ZNF438: variants seen among roughly 807,000 people sequenced by gnomAD.
The protein encoded by ZNF438 is zinc finger protein 438.
In ZNF438, 25 loss-of-function variants were observed where a neutral mutation model predicts 38.0. The observed-to-expected ratio is 0.66, with a 90% CI of 0.48 to 0.92. The LOEUF is 0.92. ZNF438 is among the 40% of genes least tolerant of loss of function. The pLI, the probability that ZNF438 is intolerant of heterozygous loss-of-function variation, is 0.00. For missense variants in ZNF438, 1,007 were observed against 999.6 expected (o/e 1.01, Z -0.10); for synonymous variants, 372 against 364.1 (o/e 1.02, Z -0.25).
In ZNF438 at chr10:30,901,440, G is replaced by A. The variant is rs60091865; in HGVS notation, c.-32+7493C>T. 6.2e-3 allele frequency among the ~76,000 whole-genome samples: 944 copies of A among 151,738 alleles called. 12 individuals are homozygous for A. The highest frequency in any genetic ancestry group is 0.022 in the African/African-American group (911 of 41,326). ...CGGAGTTTGTTCCTTCTGATGTTCC[G>A]CTGAGTCGGGGGTTGTTAGCTAGCC... On this transcript the variant is annotated intron_variant, in intron 3 of 5. Coordinates refer to ENST00000413025, the Ensembl canonical transcript of ZNF438.
At chr10:30,855,356 G>A (rs1377308224) in intron 4 of ZNF438, among the ~76,000 whole-genome samples, 1 of 152,206 alleles carries the variant, frequency 6.6e-6, no homozygotes, top group Non-Finnish European at 1.5e-5. Context: ...AGAAGTGGAT[G>A]CTGGGGTTGA....
intron 1 of ZNF438, among the ~76,000 whole-genome samples, chr10:30,945,393 T>C (rs1439305692): frequency 6.6e-6 from 1 of 151,644 alleles, no homozygotes; most frequent in Non-Finnish European, 1.5e-5. Flanking sequence ...TTTTACTTTT[T>C]TTTTTTTTAT....
chr10:30,845,637 T>C, intron 5 of ZNF438, 64 bp from the exon 7 acceptor site: 1 of 1,536,684 alleles, frequency 6.5e-7, no homozygotes, highest in Non-Finnish European at 8.7e-7. Flanking sequence ...ATCTTTCCTC[T>C]CAGCTGTCAG....
intron 1 of ZNF438, among the ~76,000 whole-genome samples, chr10:31,024,648 A>G (rs1044725262): frequency 9.9e-5 from 15 of 151,952 alleles, no homozygotes; most frequent in African/African-American, 3.4e-4. Flanking sequence ...AAAGATTCCT[A>G]GGTATAAAGT....
chr10:30,932,769 T>A (rs920739661), intron 2 of ZNF438, among the ~76,000 whole-genome samples: 3 of 152,184 alleles, frequency 2.0e-5, no homozygotes, highest in African/African-American at 7.2e-5. Flanking sequence ...GCAGATATAA[T>A]CAGGTTAAAA....
intron 4 of ZNF438, chr10:30,875,308 C>T (rs925924045): frequency 1.0e-5 from 10 of 985,296 alleles, no homozygotes; most frequent in Non-Finnish European, 1.2e-5. Context: ...CAGCTTGTTG[C>T]TTAGTTACTC....
chr10:31,020,382 G>A (rs529342930), intron 1 of ZNF438, among the ~76,000 whole-genome samples: 10 of 152,254 alleles, frequency 6.6e-5, no homozygotes, highest in South Asian at 2.1e-4. Context: ...CAGGAGAGGC[G>A]GCAATTACAA....
chr10:30,845,351 G>A (rs542557512), exon 6 of ZNF438: 24 of 1,614,112 alleles, frequency 1.5e-5, no homozygotes, highest in South Asian at 5.5e-5. Flanking sequence ...TTTTCCAGTC[G>A]GGGCTAGCGT....
At chr10:30,889,132 A>G (rs1170153338) in intron 3 of ZNF438, among the ~76,000 whole-genome samples, 5 of 152,194 alleles carry the variant, frequency 3.3e-5, no homozygotes, top group East Asian at 3.8e-4. Flanking sequence ...CTCAATTGTA[A>G]TAACAGTATT....
At chr10:30,943,405 G>C (rs377055821) in intron 1 of ZNF438, among the ~76,000 whole-genome samples, 1 of 152,078 alleles carries the variant, frequency 6.6e-6, no homozygotes, top group South Asian at 2.1e-4. Context: ...AAGAGATGAA[G>C]AGAAAGCATA....
At chr10:30,861,123 A>G (rs1048105124) in intron 4 of ZNF438, among the ~76,000 whole-genome samples, 1 of 152,228 alleles carries the variant, frequency 6.6e-6, no homozygotes, top group South Asian at 2.1e-4. Flanking sequence ...CAGGACAATG[A>G]CCTCCTTTAG....
rs533343039 is a variant in ZNF438, at chr10:30,967,437, T to C, written c.-191-25786A>G. On this transcript the variant is annotated intron_variant, in intron 1 of 5. Transcript: ENST00000413025. ...ACTGATAAGTAGGCTAAAAGTAAGA[T>C]GGTAGGGCCAAAATTTATCCTTTTA... 2.6e-4 allele frequency among the ~76,000 whole-genome samples: 39 copies of C among 152,306 alleles called. No individual in the cohort carries two copies. In the South Asian group the frequency reaches 7.7e-3, roughly 30 times the overall value.
chr10:30,930,888 C>G (rs956126391), intron 2 of ZNF438, among the ~76,000 whole-genome samples: 19 of 143,332 alleles, frequency 1.3e-4, no homozygotes, highest in Non-Finnish European at 2.4e-4. Context: ...TTTCACATAC[C>G]ATTTTTAATG....
At chr10:30,875,366 C>T (rs913733064) in intron 4 of ZNF438, 1 of 985,102 alleles carries the variant, frequency 1.0e-6, no homozygotes, top group Non-Finnish European at 1.2e-6. Context: ...TAGTCATTCT[C>T]GATTTTTCAA....
intron 1 of ZNF438, among the ~76,000 whole-genome samples, chr10:30,987,604 G>A (rs930554846): frequency 7.2e-5 from 11 of 152,082 alleles, no homozygotes; most frequent in South Asian, 2.1e-4. Context: ...TTTAATTAGC[G>A]TTAGATTAGG....
chr10:30,903,852 G>C (rs1205258567), intron 3 of ZNF438, among the ~76,000 whole-genome samples: 1 of 152,000 alleles, frequency 6.6e-6, no homozygotes, highest in Non-Finnish European at 1.5e-5. Flanking sequence ...TTGAATTCTT[G>C]AAAACAGTGT....
chr10:30,876,212 C>G (rs1588946966), intron 4 of ZNF438, among the ~76,000 whole-genome samples: 1 of 152,156 alleles, frequency 6.6e-6, no homozygotes, highest in East Asian at 1.9e-4. Context: ...TAACAAATTC[C>G]CTCCTTTCAC....
At chr10:30,995,991 A>G (rs2054009332) in intron 1 of ZNF438, among the ~76,000 whole-genome samples, 1 of 152,146 alleles carries the variant, frequency 6.6e-6, no homozygotes, top group African/African-American at 2.4e-5. Flanking sequence ...AATGGAGCTA[A>G]CAGAGGAAGT....
chr10:30,916,243 C>T (rs1485371161), intron 2 of ZNF438, among the ~76,000 whole-genome samples: 1 of 152,064 alleles, frequency 6.6e-6, no homozygotes, highest in Non-Finnish European at 1.5e-5. Context: ...GAATTAGTGA[C>T]AGCAGAAAGC....
Sources: gnomAD v4.1 joint callset for allele counts (sites outside exome capture counted in the v4.1 genomes callset) on GRCh38, gnomAD v4.1.1 for gene constraint, MANE v1.5 for transcripts, NCBI Gene and HGNC (gene_info 2026-07-23, HGNC 2026-07-21) for gene names.